Variants in ZNF226 observed in about 807,000 individuals in gnomAD.
The protein encoded by ZNF226 is zinc finger protein 226.
In ZNF226, 6 loss-of-function variants were observed where a neutral mutation model predicts 11.4. That is an observed-to-expected ratio of 0.53 (90% CI 0.29 to 1.04). The LOEUF (loss-of-function observed/expected upper bound fraction) is 1.04, where lower values mean the gene tolerates loss of function less well. ZNF226 is among the 50% of genes least tolerant of loss of function. The pLI is 0.08. For missense variants in ZNF226, 1,058 were observed against 956.5 expected, an observed-to-expected ratio of 1.11 and a Z score of -1.40; for synonymous variants, 350 against 322.8, an observed-to-expected ratio of 1.08 and a Z score of -0.90.
intron 1 of ZNF226, 21 bp from the exon 2 acceptor site, chr19:44,165,736 T>C (rs779263409): frequency 1.1e-4 from 17 of 152,288 alleles, no homozygotes; most frequent in Non-Finnish European, 1.9e-4. Flanking sequence ...GGTTACTTCA[T>C]AGCCTGTTTT....
chr19:44,170,485 C>G (rs951076165), intron 3 of ZNF226, among the ~76,000 whole-genome samples: 2 of 152,104 alleles, frequency 1.3e-5, no homozygotes, highest in African/African-American at 4.8e-5. Context: ...GCCTGTAATC[C>G]CAGCACTTTG....
intron 1 of ZNF226, 37 bp downstream of exon 1, chr19:44,165,179 T>G (rs1243719333): frequency 2.0e-5 from 3 of 152,190 alleles, no homozygotes; most frequent in Non-Finnish European, 4.4e-5. Context: ...TTCCCCGAAA[T>G]GCACTTGTGG....
chr19:44,187,832 T>G, the ZNF226 span, among the ~76,000 whole-genome samples: 3 of 151,982 alleles, frequency 2.0e-5, no homozygotes, highest in Admixed American at 2.0e-4. The surrounding 1 kb of genome is among the most constrained non-coding windows in gnomAD (Gnocchi z 4.0). Flanking sequence ...ATCTCTGTTT[T>G]TATTTGTCTC....
In ZNF226 at chr19:44,175,732, A is replaced by T. The variant is rs769401601; in HGVS notation, c.470A>T (p.Asn157Ile). ...NYIVNKADGP[N>I]NTGNPEFPIL... ...ATAGTAAATAAAGCAGATGGTCCCAATAATACTGGGAATCCAGAGTTTCCT... is the reference window on the plus strand; with the variant it reads ...ATAGTAAATAAAGCAGATGGTCCCATTAATACTGGGAATCCAGAGTTTCCT... The change falls in exon 6 of 6, where the codon AAT becomes ATT. Residue 157 changes from asparagine to isoleucine, a missense_variant. By Grantham distance (149) the Asn-to-Ile change is moderately radical (BLOSUM62 -3). Transcript: ENST00000337433. 6.2e-7 allele frequency: 1 copy of T among 1,612,842 alleles called. No individual in the cohort carries two copies. Among genetic ancestry groups the T allele is most frequent in the Non-Finnish European group, 8.5e-7 (1 of 1,179,480 alleles).
chr19:44,192,113 A>G, the ZNF226 span, among the ~76,000 whole-genome samples: 1 of 152,244 alleles, frequency 6.6e-6, no homozygotes, highest in East Asian at 1.9e-4. Flanking sequence ...GAAAAAGTAA[A>G]AGAATGTGGA....
At chr19:44,174,986 A>G in intron 5 of ZNF226, 1 of 1,610,424 alleles carries the variant, frequency 6.2e-7, no homozygotes, top group Non-Finnish European at 8.5e-7. Context: ...TATTTCAGAT[A>G]CCTTACTTGT....
downstream of ZNF226, among the ~76,000 whole-genome samples, chr19:44,179,410 C>A (rs1279259966): frequency 2.6e-5 from 4 of 151,952 alleles, no homozygotes; most frequent in African/African-American, 4.8e-5. Context: ...ATATATTAAT[C>A]CCTTACAGTT....
At chr19:44,169,419 G>A (rs1003359970) in intron 2 of ZNF226, 2 of 152,148 alleles carry the variant, frequency 1.3e-5, no homozygotes, top group African/African-American at 2.4e-5. Context: ...TTGGAAAGAC[G>A]ACAAGATGTT....
rs1970700488 is a variant in ZNF226, at chr19:44,176,556, T to C, written c.1294T>C (p.Ser432Pro). 2 of 1,613,988 alleles carry C rather than the reference T, an allele frequency of 1.2e-6. No individual in the cohort carries two copies. The highest frequency in any genetic ancestry group is 1.7e-6 in the Non-Finnish European group (2 of 1,180,004). The change falls in exon 6 of 6, where the codon TCA becomes CCA. Residue 432 changes from serine (S) to proline (P), a missense_variant. By Grantham distance (74) the Ser-to-Pro change is moderately conservative (BLOSUM62 -1). Coordinates refer to ENST00000337433, the MANE Select transcript of ZNF226 (RefSeq NM_001032373.2). ...EECGKGFICS[S>P]NLYIHQRVHT... ...GTGTGGTAAGGGCTTCATTTGTAGC[T>C]CAAATCTTTACATTCATCAGAGAGT...
At chr19:44,188,897 A>G in the ZNF226 span, among the ~76,000 whole-genome samples, 3 of 152,216 alleles carry the variant, frequency 2.0e-5, no homozygotes, top group African/African-American at 7.2e-5. Flanking sequence ...TATAAGGAAA[A>G]ATGAAAAGGG....
At chr19:44,170,151 T>A (rs1490009870) in intron 3 of ZNF226, 56 bp downstream of exon 3, 2 of 1,578,734 alleles carry the variant, frequency 1.3e-6, no homozygotes, top group Non-Finnish European at 1.7e-6. Flanking sequence ...TACTCAGAGA[T>A]GGAACCAGGT....
intron 3 of ZNF226, 52 bp from the exon 4 acceptor site, chr19:44,172,036 A>G (rs1970157517): frequency 3.8e-6 from 6 of 1,593,888 alleles, no homozygotes; most frequent in South Asian, 3.3e-5. Flanking sequence ...AGTGTTACCC[A>G]TCTTCTAGTG....
chr19:44,176,923 G>A lies in ZNF226; in HGVS notation c.1661G>A (p.Ser554Asn). The change falls in exon 6 of 6, where the codon AGT becomes AAT. Residue 554 changes from serine (S) to asparagine (N), a missense_variant. By Grantham distance (46) the Ser-to-Asn change is conservative. Coordinates refer to ENST00000337433, the MANE Select transcript of ZNF226 (RefSeq NM_001032373.2). ...CTTCAAATCCATCAGAAGGCCCACA[G>A]TATAGAGAAACCTTTTAAGTGTGAG... ...SYLQIHQKAH[S>N]IEKPFKCEEC... The A allele has an allele frequency of 6.2e-7, 1 of 1,613,690 alleles. No individual in the cohort carries two copies. The highest frequency in any genetic ancestry group is 8.5e-7 in the Non-Finnish European group (1 of 1,179,884).
At chr19:44,182,496 G>A (rs113099174), downstream of ZNF226, among the ~76,000 whole-genome samples, 187 of 152,306 alleles carry the variant, frequency 1.2e-3, 1 homozygote, top group African/African-American at 4.3e-3. Flanking sequence ...AGAGACATAG[G>A]AATGCCAGAA....
the ZNF226 span, among the ~76,000 whole-genome samples, chr19:44,194,806 C>T: frequency 6.6e-6 from 1 of 152,124 alleles, no homozygotes; most frequent in South Asian, 2.1e-4. Flanking sequence ...AAGATATTTT[C>T]CCTTTTCCCT....
chr19:44,175,259 T>C (rs1244897776), intron 5 of ZNF226: 6 of 1,398,874 alleles, frequency 4.3e-6, no homozygotes, highest in East Asian at 2.6e-5. Context: ...ATGTCAGTAG[T>C]TGTGTTTTTA....
chr19:44,196,794 A>G, the ZNF226 span, among the ~76,000 whole-genome samples: 1 of 152,174 alleles, frequency 6.6e-6, no homozygotes, highest in South Asian at 2.1e-4. Context: ...GTTCCATTTC[A>G]GTAGTGGGAC....
the ZNF226 span, among the ~76,000 whole-genome samples, chr19:44,185,171 A>G: frequency 3.3e-5 from 5 of 152,234 alleles, no homozygotes; most frequent in African/African-American, 1.2e-4. Context: ...TCTTCTGTCA[A>G]TGGACAGTTG....
chr19:44,194,046 G>T, the ZNF226 span, among the ~76,000 whole-genome samples: 3 of 152,190 alleles, frequency 2.0e-5, no homozygotes, highest in Non-Finnish European at 4.4e-5. Context: ...ACCTGACACA[G>T]AATTCATCTT....
Sources: allele counts gnomAD v4.1 joint callset (sites outside exome capture counted in the v4.1 genomes callset), GRCh38; gene constraint gnomAD v4.1.1; non-coding constraint Gnocchi (gnomAD v3.1); transcripts MANE v1.5; gene names NCBI Gene and HGNC (gene_info 2026-07-23, HGNC 2026-07-21).